HMGB1: variants seen among roughly 807,000 people sequenced by gnomAD.
HMGB1 encodes high mobility group protein B1.
For synonymous variants in HMGB1, 81 were observed against 84.0 expected, an observed-to-expected ratio of 0.96 and a Z score of 0.19; for missense variants, 79 against 253.5, an observed-to-expected ratio of 0.31 and a Z score of 4.67.
rs1366512753 is a variant in HMGB1, at chr13:30,458,713, G to C, written c.*2644C>G. 6.6e-6 allele frequency: 1 copy of C among 152,192 alleles called. No individual in the cohort carries two copies. The highest frequency in any genetic ancestry group is 1.5e-5 in the Non-Finnish European group (1 of 68,032). The allele number at this position is 152,192 out of a possible 1,614,324, so 9.4% of individuals were successfully genotyped here. On this transcript the variant is annotated 3_prime_UTR_variant, in exon 5 of 5. Transcript: ENST00000341423. Reference sequence around the variant, plus strand: ...TTAGGTAGTAAGGGAAATACCTGTTGAATGGCAGTTTGTGTTACATGGGCG... The same window carrying C: ...TTAGGTAGTAAGGGAAATACCTGTTCAATGGCAGTTTGTGTTACATGGGCG...
chr13:30,501,716 C>T (rs1388622753), intron 1 of HMGB1, among the ~76,000 whole-genome samples: 1 of 151,934 alleles, frequency 6.6e-6, no homozygotes, highest in East Asian at 1.9e-4. Flanking sequence ...AAGTATTTAC[C>T]TTAATATACG....
intron 1 of HMGB1, among the ~76,000 whole-genome samples, chr13:30,594,255 G>A (rs140319408): frequency 1.4e-3 from 212 of 152,262 alleles, no homozygotes; most frequent in African/African-American, 4.9e-3. Context: ...GGGGATACAC[G>A]TGCAGTTATT....
chr13:30,597,027 C>T (rs7991320), intron 1 of HMGB1, among the ~76,000 whole-genome samples: 79,380 of 152,038 alleles, frequency 0.52, 23,158 homozygotes, highest in African/African-American at 0.79. Flanking sequence ...CTTCTTTATA[C>T]TTTCATAGTT....
intron 1 of HMGB1, chr13:30,464,221 C>G (rs1291122726): frequency 1.0e-6 from 1 of 985,236 alleles, no homozygotes; most frequent in African/African-American, 1.7e-5. Flanking sequence ...AAAGAGGGAG[C>G]AGCAGCCAGC....
chr13:30,565,058 C>T (rs1369662902), intron 1 of HMGB1, among the ~76,000 whole-genome samples: 1 of 152,150 alleles, frequency 6.6e-6, no homozygotes, highest in Non-Finnish European at 1.5e-5. Flanking sequence ...AAATTATTAA[C>T]CCCGTTTTAG....
At position 30,481,986 on chromosome 13, in the gene HMGB1, C is replaced by T. The variant is rs191456276; in HGVS notation, c.-14-18292G>A. On this transcript the variant is annotated intron_variant, in intron 1 of 4. Coordinates refer to the HMGB1 transcript ENST00000405805. The stretch of plus-strand genomic sequence containing the variant: ...CTGGGACTACAGGTGTGTGCCACCA[C>T]GCCCAGCTAATTTTTGTATTTTTAG... Among the ~76,000 whole-genome samples the T allele has an allele frequency of 2.7e-3, 406 of 152,208 alleles. 13 individuals carry two copies. Among genetic ancestry groups the T allele is most frequent in the Middle Eastern group, 3.4e-3 (1 of 294 alleles).
At chr13:30,588,001 T>G (rs374129020) in intron 1 of HMGB1, among the ~76,000 whole-genome samples, 1 of 152,338 alleles carries the variant, frequency 6.6e-6, no homozygotes, top group South Asian at 2.1e-4. Flanking sequence ...TGAACAAATT[T>G]ATGAGCCAAA....
At position 30,527,088 on chromosome 13, in the gene HMGB1, C is replaced by T. The variant is rs115257512; in HGVS notation, c.-14-63394G>A. ...AGCATGGGTCATTCCCCGCTAGAGG[C>T]TCAAGAGTCCTCACAGAGCAGGGGC... is the stretch of plus-strand genomic sequence containing the variant. On this transcript the variant is annotated intron_variant, in intron 1 of 4. Coordinates refer to the HMGB1 transcript ENST00000405805. Among the ~76,000 whole-genome samples the T allele has an allele frequency of 3.7e-3, 570 of 152,370 alleles. 8 individuals carry two copies. Among genetic ancestry groups the T allele is most frequent in the African/African-American group, 0.013 (549 of 41,598 alleles).
chr13:30,471,492 C>T (rs146061449), intron 1 of HMGB1, among the ~76,000 whole-genome samples: 2,165 of 150,714 alleles, frequency 0.014, 59 homozygotes, highest in Admixed American at 0.066. Flanking sequence ...AGATTATAGG[C>T]ATGGGCCACC....
At chr13:30,492,879 T>G (rs1038481472) in intron 1 of HMGB1, among the ~76,000 whole-genome samples, 9 of 149,788 alleles carry the variant, frequency 6.0e-5, no homozygotes, top group Admixed American at 4.1e-4. Flanking sequence ...TAGTCCCAGC[T>G]ACTCAGGAGC....
chr13:30,516,785 T>C (rs1888111702), intron 1 of HMGB1, among the ~76,000 whole-genome samples: 2 of 151,982 alleles, frequency 1.3e-5, no homozygotes, highest in Admixed American at 6.6e-5. Context: ...GGAGTGGTGG[T>C]ATACTCCTGT....
intron 1 of HMGB1, among the ~76,000 whole-genome samples, chr13:30,555,064 G>A (rs770007888): frequency 2.4e-4 from 26 of 107,054 alleles, no homozygotes; most frequent in Non-Finnish European, 4.7e-4. Flanking sequence ...TTTTTGAGAC[G>A]GAGTCTCTGC....
At chr13:30,586,068 T>C (rs955686064) in intron 1 of HMGB1, among the ~76,000 whole-genome samples, 5 of 152,194 alleles carry the variant, frequency 3.3e-5, no homozygotes, top group Admixed American at 2.6e-4. Context: ...TAATTTTTTT[T>C]ATTGTTATTT....
In HMGB1 at chr13:30,601,654, G is replaced by C. The variant is rs1319146793; in HGVS notation, c.-15+15017C>G. 7.0e-5 allele frequency among the ~76,000 whole-genome samples: 5 copies of C among 71,114 alleles called. 2 individuals are homozygous for C. In the African/African-American group the frequency reaches 8.4e-4, roughly 12 times the overall value. 46.7% of individuals were successfully genotyped at this position (71,114 alleles called of 152,430 possible). On this transcript the variant is annotated intron_variant, in intron 1 of 4. Transcript: ENST00000405805. Reference sequence around the variant, plus strand: ...CCAGCTACTTGGGAGGCTGAGGCAGGAGAATGGCGTGAACCCGGGAGGCGG... The same window carrying C: ...CCAGCTACTTGGGAGGCTGAGGCAGCAGAATGGCGTGAACCCGGGAGGCGG...
intron 1 of HMGB1, among the ~76,000 whole-genome samples, chr13:30,480,036 T>C (rs1487452326): frequency 6.6e-6 from 1 of 152,234 alleles, no homozygotes; most frequent in Non-Finnish European, 1.5e-5. Context: ...TTCAAGATTC[T>C]GGTCACACTG....
intron 1 of HMGB1, among the ~76,000 whole-genome samples, chr13:30,550,687 G>T (rs1247397021): frequency 1.3e-5 from 2 of 152,098 alleles, no homozygotes; most frequent in Non-Finnish European, 1.5e-5. Flanking sequence ...GCTTGGCTTT[G>T]GTACCATATC....
At chr13:30,600,340 T>C (rs569786127) in intron 1 of HMGB1, among the ~76,000 whole-genome samples, 2 of 152,352 alleles carry the variant, frequency 1.3e-5, no homozygotes, top group East Asian at 3.9e-4. Flanking sequence ...GCTACTGGAA[T>C]GTTAGATCAC....
At chr13:30,464,824 G>T (rs1257737038) in intron 1 of HMGB1, 4 of 102,496 alleles carry the variant, frequency 3.9e-5, no homozygotes, top group Admixed American at 3.0e-4. Flanking sequence ...TGCGGGCGCG[G>T]CGGCGGCGGC....
In HMGB1 at chr13:30,609,078, GGT is replaced by G. The variant is rs761662203; in HGVS notation, c.-15+7591_-15+7592del. On this transcript the variant is annotated intron_variant, in intron 1 of 4. Coordinates refer to the HMGB1 transcript ENST00000405805. Reference sequence around the variant, plus strand: ...AGATCAAGACCATCCTGGCTAACACGGTGTGAAACCCCGTCTCTACTAAAAAT... The same window carrying G: ...AGATCAAGACCATCCTGGCTAACACGGTGAAACCCCGTCTCTACTAAAAAT... Among the ~76,000 whole-genome samples, 135 of 152,232 alleles carry G rather than the reference GGT, an allele frequency of 8.9e-4. 1 individual carries two copies. Among genetic ancestry groups the G allele is most frequent in the Non-Finnish European group, 1.5e-3 (101 of 67,994 alleles).
Sources: allele counts gnomAD v4.1 joint callset (sites outside exome capture counted in the v4.1 genomes callset), GRCh38; gene constraint gnomAD v4.1.1; transcripts MANE v1.5; gene names NCBI Gene and HGNC (gene_info 2026-07-23, HGNC 2026-07-21).